Variants in AAK1 observed in about 807,000 individuals in gnomAD.
AAK1 encodes AP2-associated protein kinase 1.
AAK1 carries 37 observed loss-of-function variants against 116.0 expected under a neutral mutation model. That is an observed-to-expected ratio of 0.32 (90% CI 0.25 to 0.42). AAK1 has a LOEUF of 0.42. Among genes scored for constraint, AAK1 ranks in the 10% least tolerant of loss-of-function variants. AAK1 has a pLI of 1.00. For missense variants in AAK1, 919 were observed against 1,170.6 expected, an observed-to-expected ratio of 0.79 and a Z score of 3.14; for synonymous variants, 458 against 439.9, an observed-to-expected ratio of 1.04 and a Z score of -0.51.
chr2:69,477,034 G>C lies in AAK1; in HGVS notation c.2681-44C>G, dbSNP rs760895009. ...TACACAAGCAGAAACAACAGAGGCA[G>C]AGATTAGCAAATGAGAGAATGTGAA... On this transcript the variant is annotated intron_variant, in intron 20 of 21. Coordinates refer to ENST00000409085, the MANE Select transcript of AAK1 (RefSeq NM_014911.5). 5.2e-6 allele frequency: 7 copies of C among 1,346,330 alleles called. No homozygotes were observed. In the South Asian group the frequency reaches 8.6e-5, roughly 17 times the overall value. 83.4% of individuals were successfully genotyped at this position (1,346,330 alleles called of 1,614,324 possible). A position where few individuals can be genotyped will look rare whatever the true frequency, so the allele number is the denominator to read the frequency against.
At chr2:69,638,867 T>C (rs1397968937) in intron 2 of AAK1, among the ~76,000 whole-genome samples, 1 of 152,200 alleles carries the variant, frequency 6.6e-6, no homozygotes, top group Non-Finnish European at 1.5e-5. Flanking sequence ...TGGACACTTA[T>C]CTCAGGTGTT....
At chr2:69,627,649 T>C (rs1460581790) in intron 2 of AAK1, among the ~76,000 whole-genome samples, 3 of 152,222 alleles carry the variant, frequency 2.0e-5, no homozygotes, top group East Asian at 1.9e-4. Context: ...CAAGCTATTG[T>C]AGGGGTTTGC....
chr2:69,639,840 C>CA (rs1482381215), intron 2 of AAK1, among the ~76,000 whole-genome samples: 1 of 152,114 alleles, frequency 6.6e-6, no homozygotes, highest in Non-Finnish European at 1.5e-5. Flanking sequence ...CGGGGACTCA[C>CA]AGAGAAGAGA....
At chr2:69,636,201 TAAAA>T (rs143434099) in intron 2 of AAK1, among the ~76,000 whole-genome samples, 1 of 150,324 alleles carries the variant, frequency 6.7e-6, no homozygotes, top group Admixed American at 6.6e-5. Flanking sequence ...AGATTTCTAC[TAAAA>T]AAAAACCTTG....
chr2:69,563,497 C>T (rs1319183400), intron 2 of AAK1, among the ~76,000 whole-genome samples: 1 of 152,142 alleles, frequency 6.6e-6, no homozygotes, highest in African/African-American at 2.4e-5. Context: ...ACTGAAATCA[C>T]CAACTGTTTA....
intron 2 of AAK1, among the ~76,000 whole-genome samples, chr2:69,616,858 G>A (rs1416184942): frequency 6.6e-6 from 1 of 152,092 alleles, no homozygotes. Flanking sequence ...AGCCACAAAT[G>A]ACCTATCTGT....
intron 10 of AAK1, among the ~76,000 whole-genome samples, chr2:69,524,409 CTTTTTTTG>C (rs1404677849): frequency 7.4e-6 from 1 of 135,326 alleles, no homozygotes; most frequent in African/African-American, 3.0e-5. Context: ...TAGCAACATT[CTTTTTTTG>C]TTTTGTTTTG....
chr2:69,487,177 A>G (rs1407619375), intron 17 of AAK1, among the ~76,000 whole-genome samples: 1 of 152,154 alleles, frequency 6.6e-6, no homozygotes, highest in East Asian at 1.9e-4. Context: ...ATTACTGGTC[A>G]TTTTTGGTCA....
intron 19 of AAK1, among the ~76,000 whole-genome samples, chr2:69,479,773 T>G (rs1675010672): frequency 6.6e-6 from 1 of 152,200 alleles, no homozygotes; most frequent in African/African-American, 2.4e-5. Context: ...AGTTTCTTTT[T>G]GAGACGGAGT....
intron 17 of AAK1, 62 bp from the exon 18 acceptor site, chr2:69,482,874 T>C (rs1675148902): frequency 2.0e-6 from 2 of 1,005,504 alleles, no homozygotes; most frequent in African/African-American, 1.6e-5. Flanking sequence ...AGCCAGCGGA[T>C]CATTCACTAT....
At chr2:69,642,076 A>G (rs1260550994) in intron 2 of AAK1, among the ~76,000 whole-genome samples, 1 of 152,238 alleles carries the variant, frequency 6.6e-6, no homozygotes, top group African/African-American at 2.4e-5. Flanking sequence ...TGGGGGAATC[A>G]AGATGTATAT....
At chr2:69,568,861 A>C (rs2105113233) in intron 2 of AAK1, among the ~76,000 whole-genome samples, 1 of 152,264 alleles carries the variant, frequency 6.6e-6, no homozygotes, top group Admixed American at 6.5e-5. Context: ...CTATCTGACC[A>C]CACAACTGTC....
intron 2 of AAK1, among the ~76,000 whole-genome samples, chr2:69,590,726 C>G (rs369221097): frequency 6.6e-6 from 1 of 152,234 alleles, no homozygotes; most frequent in Non-Finnish European, 1.5e-5. Flanking sequence ...ACTGGAAAAG[C>G]CTCAACTTCT....
chr2:69,595,676 C>T (rs1408516512), intron 2 of AAK1, among the ~76,000 whole-genome samples: 1 of 152,196 alleles, frequency 6.6e-6, no homozygotes, highest in Non-Finnish European at 1.5e-5. Flanking sequence ...GCAGCAAGTG[C>T]TGATGTAGTT....
At position 69,620,123 on chromosome 2, in the gene AAK1, G is replaced by C. The variant is rs143875185; in HGVS notation, c.163+22755C>G. Among the ~76,000 whole-genome samples, 261 of 152,292 alleles carry C rather than the reference G, an allele frequency of 1.7e-3. 1 individual carries two copies. The highest frequency in any genetic ancestry group is 6.0e-3 in the South Asian group (29 of 4,824). ...CTGCCATCATCCAGGCCAATGACAGGCTGGCCCAGAGAGACAGCAACGAAG... is the reference window on the plus strand; with the variant it reads ...CTGCCATCATCCAGGCCAATGACAGCCTGGCCCAGAGAGACAGCAACGAAG... On this transcript the variant is annotated intron_variant, in intron 2 of 21. Coordinates refer to ENST00000409085, the MANE Select transcript of AAK1 (RefSeq NM_014911.5).
chr2:69,578,739 C>T (rs1672419778), intron 2 of AAK1, among the ~76,000 whole-genome samples: 1 of 152,098 alleles, frequency 6.6e-6, no homozygotes, highest in Non-Finnish European at 1.5e-5. Context: ...TGCCTTTCTC[C>T]CACCAGTGTT....
In AAK1 at chr2:69,484,785, G is replaced by GAATT. The variant is rs199555389; in HGVS notation, c.2366-1977_2366-1974dup. Among the ~76,000 whole-genome samples the GAATT allele has an allele frequency of 4.7e-3, 713 of 151,908 alleles. 11 individuals are homozygous for GAATT. Among genetic ancestry groups the GAATT allele is most frequent in the Admixed American group, 0.012 (187 of 15,248 alleles). ...AGCTACTCAGGAGGCTGAGGCAAGA[G>GAATT]AATTGCTTGTACTCAGGAGGCGGAG... On this transcript the variant is annotated intron_variant, in intron 17 of 21. Coordinates refer to ENST00000409085, the MANE Select transcript of AAK1 (RefSeq NM_014911.5).
At chr2:69,505,505 G>A in intron 16 of AAK1, 64 bp downstream of exon 16, 1 of 1,282,650 alleles carries the variant, frequency 7.8e-7, no homozygotes, top group Non-Finnish European at 1.1e-6. Flanking sequence ...GTTATCTGTG[G>A]AGTAAAAAAC....
chr2:69,461,522 T>C lies in AAK1; in HGVS notation c.*14347A>G. 1 of 237,728 alleles carries C rather than the reference T, an allele frequency of 4.2e-6. No individual in the cohort carries two copies. The highest frequency in any genetic ancestry group is 8.6e-6 in the Non-Finnish European group (1 of 116,120). 14.7% of individuals were successfully genotyped at this position (237,728 alleles called of 1,614,324 possible). Reference sequence around the variant, plus strand: ...ACCAAAAAAAAAAAAAAAAGTAATTTGCATGTGTTTGCATCCGTTTCTGTA... The same window carrying C: ...ACCAAAAAAAAAAAAAAAAGTAATTCGCATGTGTTTGCATCCGTTTCTGTA... On this transcript the variant is annotated 3_prime_UTR_variant, in exon 22 of 22. Coordinates refer to ENST00000409085, the MANE Select transcript of AAK1 (RefSeq NM_014911.5).
Sources: allele counts gnomAD v4.1 joint callset (sites outside exome capture counted in the v4.1 genomes callset), GRCh38; gene constraint gnomAD v4.1.1; transcripts MANE v1.5; gene names NCBI Gene and HGNC (gene_info 2026-07-23, HGNC 2026-07-21).